KALRN: variants seen among roughly 807,000 people sequenced by gnomAD.
The protein encoded by KALRN is kalirin.
Under a neutral mutation model 353.7 loss-of-function variants are expected in KALRN, and 70 were observed. The observed-to-expected ratio is 0.20, with a 90% CI of 0.16 to 0.24. KALRN has a LOEUF of 0.24. Ranked by LOEUF, KALRN falls within the 10% of genes least tolerant of loss-of-function variation. The probability of loss-of-function intolerance (pLI) is 1.00; values close to 1 mark genes in which losing one functional copy is unlikely to be tolerated. For missense variants in KALRN, 2,791 were observed against 3,756.7 expected, an observed-to-expected ratio of 0.74 and a Z score of 6.72; for synonymous variants, 1,391 against 1,434.8, an observed-to-expected ratio of 0.97 and a Z score of 0.69.
intron 7 of KALRN, among the ~76,000 whole-genome samples, chr3:124,326,445 G>T (rs1432574323): frequency 6.6e-6 from 1 of 152,184 alleles, no homozygotes; most frequent in Non-Finnish European, 1.5e-5. Flanking sequence ...CTTGGTAGTG[G>T]TTGCATGTGC....
At chr3:124,207,691 A>G (rs1358149583) in intron 1 of KALRN, among the ~76,000 whole-genome samples, 1 of 152,172 alleles carries the variant, frequency 6.6e-6, no homozygotes, top group Non-Finnish European at 1.5e-5. Flanking sequence ...TCTGATCCTC[A>G]GTTTTTCATC....
At chr3:124,615,161 A>G (rs908726455) in intron 34 of KALRN, among the ~76,000 whole-genome samples, 1 of 152,232 alleles carries the variant, frequency 6.6e-6, no homozygotes, top group Non-Finnish European at 1.5e-5. Context: ...TAACATAACT[A>G]TAGTCTAATC....
chr3:124,496,806 T>C (rs888871217), intron 33 of KALRN, among the ~76,000 whole-genome samples: 1 of 152,164 alleles, frequency 6.6e-6, no homozygotes, highest in African/African-American at 2.4e-5. Flanking sequence ...GTGGCTGTGA[T>C]TGGCTCAAAT....
chr3:124,510,737 A>G (rs1183213855), intron 33 of KALRN, among the ~76,000 whole-genome samples: 1 of 152,110 alleles, frequency 6.6e-6, no homozygotes, highest in Non-Finnish European at 1.5e-5. Context: ...TTCCTCTGCC[A>G]TCTAATGCTT....
intron 32 of KALRN, 95 bp downstream of exon 32, chr3:124,492,977 G>A: frequency 1.7e-5 from 25 of 1,432,346 alleles, no homozygotes; most frequent in Non-Finnish European, 2.4e-5. Context: ...GATGTGCCCA[G>A]CAGGTGGCAC....
At chr3:124,238,149 A>G (rs1445650641) in intron 3 of KALRN, among the ~76,000 whole-genome samples, 1 of 152,186 alleles carries the variant, frequency 6.6e-6, no homozygotes, top group Non-Finnish European at 1.5e-5. Context: ...GAGTGCTGTC[A>G]AGGAAGCAGC....
intron 10 of KALRN, among the ~76,000 whole-genome samples, chr3:124,368,794 C>T (rs2085388711): frequency 6.6e-6 from 1 of 152,034 alleles, no homozygotes; most frequent in Non-Finnish European, 1.5e-5. Context: ...GTGAACGAGA[C>T]TCCGTCTGCA....
At chr3:124,141,286 C>G (rs1217673034) in intron 1 of KALRN, among the ~76,000 whole-genome samples, 2 of 152,198 alleles carry the variant, frequency 1.3e-5, no homozygotes, top group Non-Finnish European at 2.9e-5. Context: ...GTTTTCATAG[C>G]CCTGGTCGAA....
chr3:124,433,596 T>TAAA (rs144487793), intron 16 of KALRN, among the ~76,000 whole-genome samples: 4 of 95,110 alleles, frequency 4.2e-5, no homozygotes, highest in Non-Finnish European at 6.3e-5. Context: ...AGACCCTGTC[T>TAAA]AAAAAAAAAA....
intron 5 of KALRN, among the ~76,000 whole-genome samples, chr3:124,279,635 G>T (rs1427989451): frequency 3.3e-5 from 5 of 152,234 alleles, no homozygotes; most frequent in African/African-American, 1.2e-4. Flanking sequence ...TCAGCTGCTA[G>T]CAGGGAGAAA....
rs779210976 is a variant in KALRN at position 124,384,885 on chromosome 3, A to G, written c.1811A>G (p.Glu604Gly). Reference protein sequence around the residue: ...TNADKLLEAAEQLAQTGECDP... With the variant: ...TNADKLLEAAGQLAQTGECDP... ...GCGGACAAGCTCCTAGAAGCAGCAG[A>G]GCAGTTGGCTCAGACGGGGGAATGT... The change falls in exon 11 of 60, where the codon GAG becomes GGG. Residue 604 changes from glutamate (E) to glycine (G), a missense_variant. This residue lies in a region of KALRN where 452 missense variants were observed against 575.8 expected (regional missense o/e 0.78). Coordinates refer to ENST00000682506, the MANE Select transcript of KALRN (RefSeq NM_001388419.1). 11 of 1,612,664 alleles carry G rather than the reference A, an allele frequency of 6.8e-6. No individual in the cohort carries two copies. Among genetic ancestry groups the G allele is most frequent in the East Asian group, 2.2e-5 (1 of 44,856 alleles).
Position 124,652,857 on chromosome 3 carries a change from G to A in KALRN, c.5795+1919G>A, listed in dbSNP as rs530310635. Among the ~76,000 whole-genome samples, 11 of 152,226 alleles carry A rather than the reference G, an allele frequency of 7.2e-5. No individual in the cohort carries two copies. The South Asian group carries it at 8.3e-4, about 11-fold the overall frequency. On this transcript the variant is annotated intron_variant, in intron 38 of 59. Coordinates refer to ENST00000682506, the MANE Select transcript of KALRN (RefSeq NM_001388419.1). ...CTCCCAAAGTGCTGGGATTACAGGC[G>A]TGAGCCACCGCACCCAGCCGCCAGT...
chr3:124,218,696 C>G (rs1046142240), intron 1 of KALRN, among the ~76,000 whole-genome samples: 30 of 152,138 alleles, frequency 2.0e-4, no homozygotes, highest in African/African-American at 7.2e-4. Context: ...CTCAAGATGT[C>G]AACTTTTCTG....
chr3:124,593,655 C>T (rs2076015609), intron 34 of KALRN, among the ~76,000 whole-genome samples: 2 of 152,176 alleles, frequency 1.3e-5, no homozygotes, highest in South Asian at 4.1e-4. Context: ...CCCTGTGTCC[C>T]TGGGGAATTC....
intron 36 of KALRN, among the ~76,000 whole-genome samples, chr3:124,634,489 C>T (rs1053756228): frequency 7.2e-5 from 11 of 152,218 alleles, no homozygotes; most frequent in African/African-American, 2.7e-4. Context: ...CTTTGCTTTG[C>T]AAGATTCCCC....
intron 33 of KALRN, 153 bp from the exon 34 acceptor site, chr3:124,562,690 C>G (rs1219577713): frequency 1.7e-6 from 1 of 586,910 alleles, no homozygotes; most frequent in African/African-American, 2.0e-5. Context: ...ATCTCTCTGC[C>G]CTAAACACCA....
intron 33 of KALRN, among the ~76,000 whole-genome samples, chr3:124,502,970 G>C (rs1037859451): frequency 6.6e-6 from 1 of 152,176 alleles, no homozygotes; most frequent in Non-Finnish European, 1.5e-5. Flanking sequence ...CAGCATGTTA[G>C]GTTTAGCTGT....
chr3:124,623,528 C>T (rs549699397), intron 34 of KALRN, among the ~76,000 whole-genome samples: 24 of 152,026 alleles, frequency 1.6e-4, no homozygotes, highest in Non-Finnish European at 3.2e-4. Flanking sequence ...AACTGAAGAA[C>T]GTGGAGTCCA....
intron 10 of KALRN, among the ~76,000 whole-genome samples, chr3:124,368,535 A>G (rs1316769573): frequency 6.8e-6 from 1 of 147,788 alleles, no homozygotes; most frequent in African/African-American, 2.5e-5. Flanking sequence ...CTCACTTCCT[A>G]GATGGGATGG....
Sources: allele counts gnomAD v4.1 joint callset (sites outside exome capture counted in the v4.1 genomes callset), GRCh38; gene constraint gnomAD v4.1.1; regional missense constraint gnomAD v4.1.1; transcripts MANE v1.5; gene names NCBI Gene and HGNC (gene_info 2026-07-23, HGNC 2026-07-21).